CSMD1: variants seen among roughly 807,000 people sequenced by gnomAD.
The protein encoded by CSMD1 is CUB and Sushi multiple domains 1.
Under a neutral mutation model 417.5 loss-of-function variants are expected in CSMD1, and 213 were observed. That is an observed-to-expected ratio of 0.51 (90% CI 0.46 to 0.57). The LOEUF (loss-of-function observed/expected upper bound fraction) is 0.57. Among genes scored for constraint, CSMD1 ranks in the 20% least tolerant of loss-of-function variants. The pLI, the probability that CSMD1 is intolerant of heterozygous loss-of-function variation, is 0.00. For synonymous variants in CSMD1, 2,862 were observed against 1,736.8 expected, an observed-to-expected ratio of 1.65 and a Z score of -16.11; for missense variants, 6,923 against 4,529.7, an observed-to-expected ratio of 1.53 and a Z score of -15.17.
intron 1 of CSMD1, among the ~76,000 whole-genome samples, chr8:4,677,453 C>T (rs557725749): frequency 1.3e-5 from 2 of 152,168 alleles, no homozygotes; most frequent in South Asian, 4.1e-4. Context: ...CTTGTTTCAA[C>T]ACACTACAAT....
intron 27 of CSMD1, among the ~76,000 whole-genome samples, chr8:3,226,710 C>A (rs1328711858): frequency 6.7e-6 from 1 of 150,372 alleles, no homozygotes; most frequent in Non-Finnish European, 1.5e-5. Flanking sequence ...ATAACAACAA[C>A]AAAAAAGTGA....
chr8:3,934,354 A>C (rs1307241492), intron 5 of CSMD1, among the ~76,000 whole-genome samples: 2 of 152,312 alleles, frequency 1.3e-5, no homozygotes, highest in East Asian at 1.9e-4. Flanking sequence ...AGAGGAGAAA[A>C]ATACATATTT....
At chr8:3,033,383 ATTGT>A (rs1423486304) in intron 50 of CSMD1, among the ~76,000 whole-genome samples, 3 of 152,130 alleles carry the variant, frequency 2.0e-5, no homozygotes, top group Non-Finnish European at 4.4e-5. Flanking sequence ...TGCACTACTG[ATTGT>A]TAGAAAGAGA....
intron 3 of CSMD1, among the ~76,000 whole-genome samples, chr8:4,275,275 C>T (rs1796417790): frequency 6.6e-6 from 1 of 151,970 alleles, no homozygotes; most frequent in African/African-American, 2.4e-5. Flanking sequence ...TATGACTTCT[C>T]TTTTATGTTT....
chr8:3,214,155 T>A (rs1386638518), intron 30 of CSMD1, among the ~76,000 whole-genome samples: 1 of 152,002 alleles, frequency 6.6e-6, no homozygotes, highest in Non-Finnish European at 1.5e-5. Flanking sequence ...GAAGTAAGTA[T>A]TTTATATATG....
intron 3 of CSMD1, among the ~76,000 whole-genome samples, chr8:4,201,090 T>A (rs1799618519): frequency 6.6e-6 from 1 of 152,194 alleles, no homozygotes. Flanking sequence ...TGGGCCAATG[T>A]CTTACCTTTC....
At chr8:3,553,690 T>A (rs1371798526) in intron 10 of CSMD1, among the ~76,000 whole-genome samples, 1 of 152,198 alleles carries the variant, frequency 6.6e-6, no homozygotes, top group Non-Finnish European at 1.5e-5. Context: ...CCAATTTTAG[T>A]AGGTCCATAG....
chr8:3,975,783 T>TAAAA (rs1322666552), intron 5 of CSMD1, among the ~76,000 whole-genome samples: 130 of 152,366 alleles, frequency 8.5e-4, no homozygotes, highest in Admixed American at 1.8e-3. Flanking sequence ...ATTTCTCTGA[T>TAAAA]AACTTAAAAA....
chr8:4,311,468 A>T (rs1458059657), intron 3 of CSMD1, among the ~76,000 whole-genome samples: 1 of 152,152 alleles, frequency 6.6e-6, no homozygotes, highest in Non-Finnish European at 1.5e-5. Flanking sequence ...CACAGCTGTA[A>T]TCCCAGCATT....
intron 26 of CSMD1, among the ~76,000 whole-genome samples, chr8:3,230,609 C>CA (rs1798779213): frequency 6.6e-6 from 1 of 151,974 alleles, no homozygotes; most frequent in South Asian, 2.1e-4. Flanking sequence ...TAAAGTACAC[C>CA]AACCTCAAGG....
intron 1 of CSMD1, among the ~76,000 whole-genome samples, chr8:4,904,120 T>G (rs1464533484): frequency 6.6e-6 from 1 of 152,150 alleles, no homozygotes; most frequent in Admixed American, 6.6e-5. Context: ...CAATGTATGT[T>G]AGAATCATTT....
At chr8:4,710,816 G>C (rs932091044) in intron 1 of CSMD1, among the ~76,000 whole-genome samples, 1 of 151,662 alleles carries the variant, frequency 6.6e-6, no homozygotes, top group Non-Finnish European at 1.5e-5. Context: ...CTGCGCTCTA[G>C]CCTGGGAGAC....
chr8:3,011,460 T>A (rs1188838190), intron 52 of CSMD1, among the ~76,000 whole-genome samples: 5 of 151,316 alleles, frequency 3.3e-5, no homozygotes, highest in Non-Finnish European at 5.9e-5. Context: ...ATATTTAAAC[T>A]TGACTATCTA....
At chr8:4,980,818 C>G (rs1810848886) in intron 1 of CSMD1, among the ~76,000 whole-genome samples, 1 of 151,846 alleles carries the variant, frequency 6.6e-6, no homozygotes, top group Non-Finnish European at 1.5e-5. Flanking sequence ...ACGGGAGGAT[C>G]ACTTGATCCC....
intron 52 of CSMD1, among the ~76,000 whole-genome samples, chr8:3,008,875 C>T (rs891274885): frequency 7.9e-5 from 12 of 152,098 alleles, no homozygotes; most frequent in African/African-American, 1.2e-4. Context: ...ACTTGTTGGC[C>T]GATTTACCTT....
chr8:4,680,288 A>G (rs750701304), intron 1 of CSMD1, among the ~76,000 whole-genome samples: 3 of 152,214 alleles, frequency 2.0e-5, no homozygotes, highest in Non-Finnish European at 2.9e-5. Context: ...TTTTACAAGG[A>G]AAATTCGACC....
At chr8:4,523,314 C>G (rs1803578937) in intron 2 of CSMD1, among the ~76,000 whole-genome samples, 1 of 152,140 alleles carries the variant, frequency 6.6e-6, no homozygotes, top group Middle Eastern at 3.2e-3. Context: ...AGTTCTGAAA[C>G]TGTATACATA....
chr8:3,491,169 T>C (rs10110046), intron 11 of CSMD1, among the ~76,000 whole-genome samples: 13,043 of 152,128 alleles, frequency 0.086, 714 homozygotes, highest in African/African-American at 0.16. Context: ...TGCAAAAGAC[T>C]GTCAAAGGGA....
intron 39 of CSMD1, 78 bp downstream of exon 39, chr8:3,157,819 C>A: frequency 1.7e-6 from 2 of 1,193,034 alleles, no homozygotes; most frequent in Admixed American, 4.2e-5. Context: ...GAAGTGCATT[C>A]TTTGACCCCA....
Sources: allele counts gnomAD v4.1 joint callset (sites outside exome capture counted in the v4.1 genomes callset), GRCh38; gene constraint gnomAD v4.1.1; transcripts MANE v1.5; gene names NCBI Gene and HGNC (gene_info 2026-07-23, HGNC 2026-07-21).